The following CADPS variants were observed in gnomAD, a reference collection of about 807,000 sequenced individuals.
The protein encoded by CADPS is calcium-dependent secretion activator 1.
In CADPS, 57 loss-of-function variants were observed where a neutral mutation model predicts 167.3. The observed-to-expected ratio is 0.34, with a 90% confidence interval of 0.28 to 0.42. CADPS has a LOEUF of 0.42. Among genes scored for constraint, CADPS ranks in the 20% least tolerant of loss-of-function variants. The pLI is 1.00. For missense variants in CADPS, 1,414 were observed against 1,738.1 expected (o/e 0.81, Z 3.32); for synonymous variants, 676 against 635.3 (o/e 1.06, Z -0.96).
chr3:62,782,826 C>G (rs1181017926), intron 1 of CADPS, among the ~76,000 whole-genome samples: 1 of 148,894 alleles, frequency 6.7e-6, no homozygotes, highest in East Asian at 2.0e-4. Flanking sequence ...GTGACCCGAT[C>G]TCATCTCACT....
chr3:62,784,381 A>G (rs1055671349), intron 1 of CADPS, among the ~76,000 whole-genome samples: 2 of 151,716 alleles, frequency 1.3e-5, no homozygotes, highest in African/African-American at 4.8e-5. Flanking sequence ...GACTAAATAA[A>G]TAATTCATGA....
chr3:62,401,960 T>G (rs1346469879), intron 29 of CADPS, among the ~76,000 whole-genome samples: 1 of 152,136 alleles, frequency 6.6e-6, no homozygotes, highest in African/African-American at 2.4e-5. Flanking sequence ...ATTCAAGTGG[T>G]CAGGCGACCA....
chr3:62,403,175 T>C lies in CADPS; in HGVS notation c.3788A>G (p.Asn1263Ser), dbSNP rs1311812728. The change falls in exon 29 of 30, where the codon AAC (asparagine) becomes AGC (serine). Residue 1263 changes from asparagine to serine, a missense_variant. Asn to Ser is a conservative substitution (Grantham distance 46, BLOSUM62 1). Transcript: ENST00000383710. ...GGTGCAGATCACGTTCATGGAGCTG[T>C]TGTACCATTGCTGAAAAAAGAGACA... ...YIERLFDQWYNSSMNVICTWL... is the reference protein window; with the variant it reads ...YIERLFDQWYSSSMNVICTWL... 1 of 1,612,478 alleles carries C rather than the reference T, an allele frequency of 6.2e-7. No individual in the cohort carries two copies. Among genetic ancestry groups the C allele is most frequent in the Non-Finnish European group, 8.5e-7 (1 of 1,178,706 alleles).
At chr3:62,400,878 G>T (rs771081508) in intron 29 of CADPS, among the ~76,000 whole-genome samples, 2 of 152,078 alleles carry the variant, frequency 1.3e-5, no homozygotes, top group Non-Finnish European at 2.9e-5. Context: ...GATTACGGGC[G>T]TGAGCCATCG....
intron 3 of CADPS, among the ~76,000 whole-genome samples, chr3:62,687,327 A>T (rs2078232444): frequency 6.6e-6 from 1 of 152,082 alleles, no homozygotes; most frequent in South Asian, 2.1e-4. Flanking sequence ...GTTCACGATG[A>T]CCACCTCAGG....
At chr3:62,426,086 G>C (rs982687663) in intron 28 of CADPS, among the ~76,000 whole-genome samples, 4 of 152,156 alleles carry the variant, frequency 2.6e-5, no homozygotes, top group African/African-American at 7.2e-5. Context: ...GGAATGTATC[G>C]CTACTTTTCT....
At chr3:62,592,827 G>A in intron 6 of CADPS, 79 bp from the exon 7 acceptor site, 11 of 1,035,238 alleles carry the variant, frequency 1.1e-5, no homozygotes, top group Admixed American at 1.9e-5. Flanking sequence ...CCCAGGTCAG[G>A]TGAATGCAGG....
chr3:62,767,965 C>G (rs2087370918), intron 1 of CADPS, among the ~76,000 whole-genome samples: 3 of 152,130 alleles, frequency 2.0e-5, no homozygotes, highest in Admixed American at 6.5e-5. Context: ...CAACATATCT[C>G]AATTCAGAGT....
At chr3:62,797,980 A>G (rs746835257) in intron 1 of CADPS, among the ~76,000 whole-genome samples, 4 of 152,238 alleles carry the variant, frequency 2.6e-5, no homozygotes, top group South Asian at 2.1e-4. Context: ...CATTCGTTCA[A>G]CAAATACTGA....
At position 62,532,963 on chromosome 3, in the gene CADPS, G is replaced by A. The variant is rs777768926; in HGVS notation, c.2199C>T (p.Asp733=). Residue 733 remains aspartate, a synonymous_variant, in exon 13 of 30, where the codon GAC becomes GAT. Transcript: ENST00000383710. The stretch of plus-strand genomic sequence containing the variant: ...CGCCATTTTCTGCCCGTTCAAGCAA[G>A]TCTCTGAGGTAGCAGAGATGTCGGT... ...GCHRHLCYLR[D]LLERAENGAM... 7 of 1,613,726 alleles carry A rather than the reference G, an allele frequency of 4.3e-6. No individual in the cohort carries two copies. The highest frequency in any genetic ancestry group is 5.9e-6 in the Non-Finnish European group (7 of 1,179,858).
At position 62,871,309 on chromosome 3, in the gene CADPS, T is replaced by C. The variant is rs563769724; in HGVS notation, c.441+3280A>G. Among the ~76,000 whole-genome samples the C allele has an allele frequency of 4.6e-5, 7 of 152,248 alleles. No homozygotes were observed. In the South Asian group the frequency reaches 1.5e-3, roughly 32 times the overall value. On this transcript the variant is annotated intron_variant, in intron 1 of 29. Coordinates refer to ENST00000383710, the MANE Select transcript of CADPS (RefSeq NM_003716.4). The stretch of plus-strand genomic sequence containing the variant: ...AGTTGATACAGTCTAGTGTTAAATT[T>C]ACCCACTAAAAGCCCATCCCTCTCC...
At chr3:62,684,331 A>C (rs187970847) in intron 3 of CADPS, among the ~76,000 whole-genome samples, 7 of 152,024 alleles carry the variant, frequency 4.6e-5, no homozygotes, top group Admixed American at 2.0e-4. Context: ...ACATATGTCC[A>C]TCATTTGGGG....
At chr3:62,604,594 G>A (rs1578650776) in intron 6 of CADPS, among the ~76,000 whole-genome samples, 1 of 152,256 alleles carries the variant, frequency 6.6e-6, no homozygotes, top group Non-Finnish European at 1.5e-5. Flanking sequence ...GGATGGCATA[G>A]TGAGGAACTG....
rs151207871 is a variant in CADPS at position 62,664,297 on chromosome 3, T to G, written c.889-1903A>C. 3.2e-3 allele frequency among the ~76,000 whole-genome samples: 482 copies of G among 152,344 alleles called. 2 individuals carry two copies. Among genetic ancestry groups the G allele is most frequent in the African/African-American group, 0.011 (460 of 41,592 alleles). ...CTAGGATTACAGGCGTGAGCCACCATGCCTGGCCCCAACACAACCATTTTT... is the reference window on the plus strand; with the variant it reads ...CTAGGATTACAGGCGTGAGCCACCAGGCCTGGCCCCAACACAACCATTTTT... On this transcript the variant is annotated intron_variant, in intron 3 of 29. Transcript: ENST00000383710.
At chr3:62,667,932 C>G (rs1001614047) in intron 3 of CADPS, among the ~76,000 whole-genome samples, 6 of 152,154 alleles carry the variant, frequency 3.9e-5, no homozygotes, top group African/African-American at 1.4e-4. Flanking sequence ...GGCCTGGAGC[C>G]TCCTTATTAG....
At chr3:62,773,737 G>C (rs1205142131) in intron 1 of CADPS, among the ~76,000 whole-genome samples, 4 of 151,932 alleles carry the variant, frequency 2.6e-5, no homozygotes, top group African/African-American at 7.3e-5. Flanking sequence ...CTATCCTCTT[G>C]CATACCTCTA....
intron 1 of CADPS, among the ~76,000 whole-genome samples, chr3:62,785,897 A>C (rs904141366): frequency 6.0e-5 from 9 of 150,298 alleles, no homozygotes; most frequent in Non-Finnish European, 1.3e-4. Flanking sequence ...GACACAAAGA[A>C]AAACTCTTTT....
At chr3:62,548,085 T>C (rs989799969) in intron 11 of CADPS, among the ~76,000 whole-genome samples, 1 of 152,142 alleles carries the variant, frequency 6.6e-6, no homozygotes, top group African/African-American at 2.4e-5. Context: ...TTGATTTGAA[T>C]GGTGATTATA....
At chr3:62,668,807 C>T (rs1563609600) in intron 3 of CADPS, among the ~76,000 whole-genome samples, 2 of 152,042 alleles carry the variant, frequency 1.3e-5, no homozygotes, top group Admixed American at 1.3e-4. Flanking sequence ...TGGGTAAATG[C>T]CTGGCAGATG....
Sources: gnomAD v4.1 joint callset for allele counts (sites outside exome capture counted in the v4.1 genomes callset) on GRCh38, gnomAD v4.1.1 for gene constraint, MANE v1.5 for transcripts, NCBI Gene and HGNC (gene_info 2026-07-23, HGNC 2026-07-21) for gene names.